The following DENND5B variants were observed in gnomAD, a reference collection of about 807,000 sequenced individuals.
DENND5B encodes the protein DENN domain containing 5B.
DENND5B carries 34 observed loss-of-function variants against 140.6 expected under a neutral mutation model. The ratio of observed to expected loss-of-function variants is 0.24; its 90% CI spans 0.18 to 0.32. The LOEUF is 0.32. DENND5B is among the 10% of genes least tolerant of loss of function. The pLI is 1.00. For missense variants in DENND5B, 1,142 were observed against 1,560.2 expected (o/e 0.73, Z 4.52); for synonymous variants, 551 against 562.1 (o/e 0.98, Z 0.28).
intron 7 of DENND5B, among the ~76,000 whole-genome samples, chr12:31,433,725 T>C (rs1269805187): frequency 1.3e-5 from 2 of 152,196 alleles, no homozygotes; most frequent in African/African-American, 2.4e-5. Context: ...TTCCAACCTT[T>C]TAAGGAAAGA....
intron 8 of DENND5B, among the ~76,000 whole-genome samples, chr12:31,430,212 G>A (rs1335308816): frequency 5.3e-5 from 8 of 150,384 alleles, no homozygotes; most frequent in East Asian, 2.0e-4. Context: ...TAGCAGAGGC[G>A]GGGTTTCACC....
At chr12:31,446,886 CAA>C (rs534785761) in intron 6 of DENND5B, among the ~76,000 whole-genome samples, 11 of 71,238 alleles carry the variant, frequency 1.5e-4, no homozygotes, top group Admixed American at 1.6e-4. Flanking sequence ...GACTCCGCCT[CAA>C]AAAAAAAAAA....
chr12:31,407,139 T>A (rs922200809), intron 14 of DENND5B, among the ~76,000 whole-genome samples: 12 of 150,466 alleles, frequency 8.0e-5, no homozygotes, highest in Admixed American at 2.0e-4. Context: ...TTTATTTATT[T>A]ATTTATTTTG....
chr12:31,471,407 C>T (rs1368172003), intron 3 of DENND5B, among the ~76,000 whole-genome samples: 12 of 151,200 alleles, frequency 7.9e-5, no homozygotes, highest in Non-Finnish European at 1.6e-4. Flanking sequence ...CTGCAATTCT[C>T]GGGCCTCAGC....
rs377025804 is a variant in DENND5B, at chr12:31,511,137, G to T, written c.128-15218C>A. ...GCCTGTAGTCCCAGCTACTCAGGAG[G>T]CTGAGGCAGGAGGATCTCTTGAGCC... On this transcript the variant is annotated intron_variant, in intron 1 of 20. Transcript: ENST00000389082. Among the ~76,000 whole-genome samples, 15 of 152,296 alleles carry T rather than the reference G, an allele frequency of 9.8e-5. No individual in the cohort carries two copies. The East Asian group carries it at 2.1e-3, about 22-fold the overall frequency.
chr12:31,485,968 C>T (rs917034200), intron 2 of DENND5B, among the ~76,000 whole-genome samples: 1 of 152,220 alleles, frequency 6.6e-6, no homozygotes, highest in Non-Finnish European at 1.5e-5. Flanking sequence ...TCCAAACTAA[C>T]ACCAAGTAGA....
intron 3 of DENND5B, among the ~76,000 whole-genome samples, 184 bp from the exon 4 acceptor site, chr12:31,460,565 G>C (rs1944968273): frequency 6.6e-6 from 1 of 151,986 alleles, no homozygotes; most frequent in South Asian, 2.1e-4. Flanking sequence ...GGTTTCATTT[G>C]AATAGTTTTA....
intron 7 of DENND5B, among the ~76,000 whole-genome samples, chr12:31,434,497 C>T (rs1325897225): frequency 1.3e-5 from 2 of 152,162 alleles, no homozygotes; most frequent in African/African-American, 2.4e-5. Context: ...TGATTCAACT[C>T]ATGTGCCCTA....
chr12:31,453,902 G>A (rs1944653963), intron 4 of DENND5B, among the ~76,000 whole-genome samples: 1 of 152,140 alleles, frequency 6.6e-6, no homozygotes, highest in African/African-American at 2.4e-5. Context: ...AGCACTTTGG[G>A]AGGCTGAGGC....
intron 14 of DENND5B, among the ~76,000 whole-genome samples, chr12:31,403,603 A>G (rs1941941106): frequency 7.1e-6 from 1 of 140,808 alleles, no homozygotes; most frequent in South Asian, 2.3e-4. Flanking sequence ...AGAAAAAAAA[A>G]AGAAAGAAAA....
intron 1 of DENND5B, among the ~76,000 whole-genome samples, chr12:31,571,555 T>C (rs1949823085): frequency 6.6e-6 from 1 of 152,158 alleles, no homozygotes; most frequent in South Asian, 2.1e-4. Flanking sequence ...AACACCTGAA[T>C]TAGAAAACTC....
intron 3 of DENND5B, among the ~76,000 whole-genome samples, chr12:31,468,953 GGAAATATT>G (rs1945412581): frequency 6.6e-6 from 1 of 152,054 alleles, no homozygotes; most frequent in African/African-American, 2.4e-5. Context: ...AAGAAAACAA[GGAAATATT>G]AAGACTTTTT....
intron 1 of DENND5B, among the ~76,000 whole-genome samples, chr12:31,525,386 T>G (rs1159531226): frequency 6.6e-6 from 1 of 152,246 alleles, no homozygotes; most frequent in Non-Finnish European, 1.5e-5. Flanking sequence ...AGTGCTACAA[T>G]GTGGATGAAT....
chr12:31,482,134 G>A (rs1269593462), intron 2 of DENND5B, among the ~76,000 whole-genome samples: 1 of 152,188 alleles, frequency 6.6e-6, no homozygotes, highest in Non-Finnish European at 1.5e-5. Context: ...ATTTCAGATT[G>A]TGGTCCTTTC....
intron 1 of DENND5B, among the ~76,000 whole-genome samples, chr12:31,532,638 T>C (rs1565670602): frequency 6.6e-6 from 1 of 152,260 alleles, no homozygotes; most frequent in South Asian, 2.1e-4. Context: ...TTGAGACCTA[T>C]ACAGGAGATA....
chr12:31,469,259 G>A (rs1945425905), intron 3 of DENND5B, among the ~76,000 whole-genome samples: 1 of 151,344 alleles, frequency 6.6e-6, no homozygotes, highest in South Asian at 2.1e-4. Context: ...ACCTGAACCT[G>A]GAGGCAAAGG....
intron 1 of DENND5B, among the ~76,000 whole-genome samples, chr12:31,553,180 G>A (rs1949137401): frequency 1.3e-5 from 2 of 152,128 alleles, no homozygotes; most frequent in South Asian, 4.1e-4. Context: ...GATCTTTCCT[G>A]CTTTCTCTTG....
At chr12:31,478,419 C>G (rs1365732289) in intron 3 of DENND5B, among the ~76,000 whole-genome samples, 1 of 152,210 alleles carries the variant, frequency 6.6e-6, no homozygotes, top group Non-Finnish European at 1.5e-5. Flanking sequence ...AAAATGCTAA[C>G]CCCAGTTGGG....
chr12:31,448,298 C>T (rs1301567878), intron 5 of DENND5B, among the ~76,000 whole-genome samples: 1 of 152,120 alleles, frequency 6.6e-6, no homozygotes, highest in Non-Finnish European at 1.5e-5. Context: ...CCACGCCCGG[C>T]TAATTTTTTT....
Sources: allele counts gnomAD v4.1 joint callset (sites outside exome capture counted in the v4.1 genomes callset), GRCh38; gene constraint gnomAD v4.1.1; transcripts MANE v1.5; gene names NCBI Gene and HGNC (gene_info 2026-07-23, HGNC 2026-07-21).